Variants in SRL observed in about 807,000 individuals in gnomAD.
SRL encodes the protein sarcalumenin.
Under a neutral mutation model 39.5 loss-of-function variants are expected in SRL, and 23 were observed. The observed-to-expected ratio is 0.58, with a 90% confidence interval of 0.42 to 0.82. The LOEUF is 0.82. Among genes scored for constraint, SRL ranks in the 40% least tolerant of loss-of-function variants. The pLI is 0.00. For missense variants in SRL, 592 were observed against 607.8 expected, an observed-to-expected ratio of 0.97 and a Z score of 0.27; for synonymous variants, 272 against 237.4, an observed-to-expected ratio of 1.15 and a Z score of -1.34.
Position 4,192,826 on chromosome 16 carries a change from A to C in SRL, c.749T>G (p.Ile250Arg). 4 of 1,614,178 alleles carry C rather than the reference A, an allele frequency of 2.5e-6. No homozygotes were observed. Among genetic ancestry groups the C allele is most frequent in the Non-Finnish European group, 3.4e-6 (4 of 1,180,016 alleles). The change falls in exon 6 of 6, where the codon ATA (isoleucine) becomes AGA (arginine). Residue 250 changes from isoleucine (I) to arginine (R), a missense_variant. Ile to Arg is a moderately conservative substitution (Grantham distance 97). Coordinates refer to ENST00000399609, the MANE Select transcript of SRL (RefSeq NM_001098814.2). The surrounding 1 kb of genome is among the most constrained non-coding windows in gnomAD (Gnocchi z 4.0). ...FRQLKGRESQIRIILNKADNL... is the reference protein window; with the variant it reads ...FRQLKGRESQRRIILNKADNL... ...GTCAGCCTTGTTCAGGATGATCCTT[A>C]TCTGGGATTCACGCCCCTTCAACTG... is the stretch of plus-strand genomic sequence containing the variant.
rs778692044 is a variant in SRL, at chr16:4,207,042, G to GCTTCCGGCAGATCCCCGC, written c.62-2409_62-2408insGCGGGGATCTGCCGGAAG. 31 of 452,720 alleles carry GCTTCCGGCAGATCCCCGC rather than the reference G, an allele frequency of 6.8e-5. No individual in the cohort carries two copies. In the East Asian group the frequency reaches 1.6e-3, roughly 23 times the overall value. The allele number at this position is 452,720 out of a possible 1,614,324, so 28.0% of individuals were successfully genotyped here. A position where few individuals can be genotyped will look rare whatever the true frequency, so the allele number is the denominator to read the frequency against. On this transcript the variant is annotated intron_variant, in intron 1 of 5. Transcript: ENST00000399609. ...ATCCCCGCCTTCCTGGGACTCCTCGGCTTCCTGCAGATCCCCGCCTTCCTG... is the reference window on the plus strand; with the variant it reads ...ATCCCCGCCTTCCTGGGACTCCTCGGCTTCCGGCAGATCCCCGCCTTCCTGCAGATCCCCGCCTTCCTG...
At chr16:4,204,845 G>A (rs2052298490) in intron 1 of SRL, among the ~76,000 whole-genome samples, 1 of 152,180 alleles carries the variant, frequency 6.6e-6, no homozygotes, top group South Asian at 2.1e-4. Context: ...CGGGGAGCTG[G>A]TCCACAGCTC....
At chr16:4,198,858 C>T (rs761219861) in intron 3 of SRL, among the ~76,000 whole-genome samples, 4 of 152,160 alleles carry the variant, frequency 2.6e-5, no homozygotes, top group Non-Finnish European at 4.4e-5. Context: ...AATGTCCTTC[C>T]GAAGGCCATG....
intron 1 of SRL, among the ~76,000 whole-genome samples, chr16:4,226,707 T>C (rs148163989): frequency 6.7e-6 from 1 of 149,762 alleles, no homozygotes; most frequent in East Asian, 2.0e-4. Context: ...AATGGAAGGA[T>C]GAATGGAAGG....
chr16:4,233,578 AT>A (rs932488930), intron 1 of SRL, among the ~76,000 whole-genome samples: 3 of 148,928 alleles, frequency 2.0e-5, no homozygotes, highest in African/African-American at 7.4e-5. Context: ...TGTTAGTTAC[AT>A]TTTTTTTTCA....
intron 1 of SRL, among the ~76,000 whole-genome samples, chr16:4,223,742 G>A (rs544670527): frequency 6.6e-5 from 10 of 152,092 alleles, no homozygotes; most frequent in South Asian, 2.1e-4. Flanking sequence ...ACTAACATCC[G>A]AGAACCACCA....
At chr16:4,195,529 G>C in intron 5 of SRL, 24 bp downstream of exon 5, 1 of 1,610,238 alleles carries the variant, frequency 6.2e-7, no homozygotes, top group Non-Finnish European at 8.5e-7. Flanking sequence ...AGCTTACACT[G>C]TTCAGAAATG....
intron 1 of SRL, among the ~76,000 whole-genome samples, chr16:4,235,141 G>A (rs1597298565): frequency 6.6e-6 from 1 of 152,320 alleles, no homozygotes; most frequent in South Asian, 2.1e-4. Context: ...GAGCCAAATA[G>A]GGCGGAGGCA....
chr16:4,234,295 AT>A, intron 1 of SRL, among the ~76,000 whole-genome samples: 1 of 152,342 alleles, frequency 6.6e-6, no homozygotes, highest in East Asian at 1.9e-4. Context: ...TGCCTAGCCT[AT>A]TAATTAAATT....
intron 1 of SRL, among the ~76,000 whole-genome samples, chr16:4,234,853 C>G (rs533666104): frequency 6.6e-6 from 1 of 152,348 alleles, no homozygotes; most frequent in Admixed American, 6.5e-5. Flanking sequence ...AACCGGTGAA[C>G]TATTTACCAC....
rs369136483 is a variant in SRL, at chr16:4,192,558, C to T, written c.1017G>A (p.Arg339=). The change falls in exon 6 of 6, where the codon CGG becomes CGA. Residue 339 remains arginine, a synonymous_variant. Coordinates refer to ENST00000399609, the MANE Select transcript of SRL (RefSeq NM_001098814.2). The surrounding 1 kb of genome is among the most constrained non-coding windows in gnomAD (Gnocchi z 4.0). ...KIAFIRQHAI[R]VRIHALLVDR... ...CAACCAGGAGGGCGTGGATGCGGAC[C>T]CGGATGGCGTGCTGGCGGATGAAGG... 1 of 1,614,104 alleles carries T rather than the reference C, an allele frequency of 6.2e-7. No individual in the cohort carries two copies. The highest frequency in any genetic ancestry group is 8.5e-7 in the Non-Finnish European group (1 of 1,180,032).
intron 1 of SRL, among the ~76,000 whole-genome samples, chr16:4,217,088 G>A (rs901031496): frequency 6.6e-6 from 1 of 152,154 alleles, no homozygotes; most frequent in Non-Finnish European, 1.5e-5. Flanking sequence ...ATCTTCTTGA[G>A]AAACGTGGGA....
chr16:4,224,491 A>G (rs1045608309), intron 1 of SRL, among the ~76,000 whole-genome samples: 1 of 152,122 alleles, frequency 6.6e-6, no homozygotes, highest in Non-Finnish European at 1.5e-5. Context: ...GGATTGCTTG[A>G]GCTCAGCAGT....
chr16:4,204,676 AGCCAGCTGAGCTCTGGGCCCCG>A lies in SRL; in HGVS notation c.62-64_62-43del. ...ACAGCCAAGTGAGAGCAAAGCTAAC[AGCCAGCTGAGCTCTGGGCCCCG>A]GCACAGCAGACGAGGGCTGGGCCTC... On this transcript the variant is annotated intron_variant, in intron 1 of 5. Transcript: ENST00000399609. 1.9e-6 allele frequency: 3 copies of A among 1,573,930 alleles called. No individual in the cohort carries two copies. The South Asian group carries it at 3.3e-5, about 17-fold the overall frequency.
chr16:4,190,297 C>T lies in SRL; in HGVS notation c.*1856G>A. 1 of 399,188 alleles carries T rather than the reference C, an allele frequency of 2.5e-6. No homozygotes were observed. The highest frequency in any genetic ancestry group is 4.4e-6 in the Non-Finnish European group (1 of 226,468). 24.7% of individuals were successfully genotyped at this position (399,188 alleles called of 1,614,324 possible). ...CCCTGCCTGACCTCAGAGTGCCTCT[C>T]CCTCTGCCTGCCTTTCCACTGTCCT... On this transcript the variant is annotated 3_prime_UTR_variant, in exon 6 of 6. Coordinates refer to ENST00000399609, the MANE Select transcript of SRL (RefSeq NM_001098814.2).
At chr16:4,212,636 C>A (rs115513373) in intron 1 of SRL, among the ~76,000 whole-genome samples, 3,878 of 152,288 alleles carry the variant, frequency 0.025, 154 homozygotes, top group African/African-American at 0.085. Context: ...CAGGGTGGCC[C>A]CCCCGACTCC....
At chr16:4,239,819 G>A (rs375612716) in intron 1 of SRL, 1 of 152,228 alleles carries the variant, frequency 6.6e-6, no homozygotes, top group African/African-American at 2.4e-5. Flanking sequence ...TCAAATCATT[G>A]CTAGGGGCGT....
At position 4,226,541 on chromosome 16, in the gene SRL, G is replaced by A. The variant is rs116067804; in HGVS notation, c.61+15466C>T. ...TGGATAAATGGAGGGACAGATGGATGGACACATAGATGGAAAGATGGATGG... is the reference window on the plus strand; with the variant it reads ...TGGATAAATGGAGGGACAGATGGATAGACACATAGATGGAAAGATGGATGG... On this transcript the variant is annotated intron_variant, in intron 1 of 5. Transcript: ENST00000399609. Among the ~76,000 whole-genome samples, 397 of 151,894 alleles carry A rather than the reference G, an allele frequency of 2.6e-3. 3 individuals are homozygous for A. Among genetic ancestry groups the A allele is most frequent in the African/African-American group, 9.0e-3 (374 of 41,448 alleles).
chr16:4,240,395 A>G (rs1346701043), intron 1 of SRL, among the ~76,000 whole-genome samples: 1 of 152,148 alleles, frequency 6.6e-6, no homozygotes, highest in Non-Finnish European at 1.5e-5. Context: ...GAGGAGGCCT[A>G]TTCTGGGGTA....
Sources: gnomAD v4.1 joint callset for allele counts (sites outside exome capture counted in the v4.1 genomes callset) on GRCh38, gnomAD v4.1.1 for gene constraint, Gnocchi (gnomAD v3.1) non-coding constraint, MANE v1.5 for transcripts, NCBI Gene and HGNC (gene_info 2026-07-23, HGNC 2026-07-21) for gene names.